COL4A2: variants seen among roughly 807,000 people sequenced by gnomAD.
COL4A2 encodes collagen type IV alpha 2 chain, also known as collagen alpha-2(IV) chain.
In COL4A2, 99 loss-of-function variants were observed where a neutral mutation model predicts 200.2. The observed-to-expected ratio is 0.49, with a 90% CI of 0.42 to 0.58. COL4A2 has a LOEUF of 0.58. COL4A2 is among the 20% of genes least tolerant of loss of function. COL4A2 has a pLI of 0.00. For synonymous variants in COL4A2, 897 were observed against 900.6 expected (o/e 1.00, Z 0.07); for missense variants, 1,950 against 2,314.1 (o/e 0.84, Z 3.23).
intron 3 of COL4A2, among the ~76,000 whole-genome samples, chr13:110,337,973 G>A (rs1040578168): frequency 6.6e-6 from 1 of 152,144 alleles, no homozygotes; most frequent in Non-Finnish European, 1.5e-5. Context: ...TTGTTGCTTT[G>A]TAGGTTAATG....
intron 4 of COL4A2, among the ~76,000 whole-genome samples, chr13:110,375,617 G>GGCAGA (rs1239445042): frequency 2.0e-5 from 3 of 152,184 alleles, no homozygotes; most frequent in African/African-American, 7.2e-5. Flanking sequence ...ATCACTTGTG[G>GGCAGA]TCAGGAGTTC....
At chr13:110,365,816 T>G (rs9515196) in intron 4 of COL4A2, among the ~76,000 whole-genome samples, 60,955 of 152,022 alleles carry the variant, frequency 0.4, 12,348 homozygotes, top group Middle Eastern at 0.56. Flanking sequence ...AATGTAAAAC[T>G]CCATTGCTAA....
Position 110,446,948 on chromosome 13 carries a change from A to T in COL4A2, c.1078+84A>T. On this transcript the variant is annotated intron_variant, in intron 18 of 47. Coordinates refer to ENST00000360467, the MANE Select transcript of COL4A2 (RefSeq NM_001846.4). ...GGACACAGAGCTATGAACTTTCAAG[A>T]CAGATATTCTAAGCAACCCTAAAAC... is the stretch of plus-strand genomic sequence containing the variant. The T allele has an allele frequency of 2.6e-6, 3 of 1,152,786 alleles. No homozygotes were observed. In the South Asian group the frequency reaches 5.4e-5, roughly 21 times the overall value. The allele number at this position is 1,152,786 out of a possible 1,614,324, so 71.4% of individuals were successfully genotyped here.
intron 11 of COL4A2, among the ~76,000 whole-genome samples, chr13:110,432,751 C>T (rs1367412426): frequency 1.3e-5 from 2 of 152,216 alleles, no homozygotes; most frequent in Non-Finnish European, 2.9e-5. Context: ...CAATGTCATT[C>T]TTCTTATCTG....
In COL4A2 at chr13:110,501,682, C is replaced by T. The variant is rs1313041506; in HGVS notation, c.3775C>T (p.Pro1259Ser). ...TTCATCCTAAGGGGAACGAGGCCCA[C>T]CTGGGAGCCCAGGACTTCAGGGGTT... ...DQGAPGERGP[P>S]GSPGLQGFPG... Residue 1259 changes from proline (P) to serine (S), a missense_variant, in exon 41 of 48, where the codon CCT becomes TCT. Physicochemically the swap from Pro to Ser is moderately conservative, Grantham distance 74. Transcript: ENST00000360467. The T allele has an allele frequency of 6.2e-7, 1 of 1,613,810 alleles. No individual in the cohort carries two copies. The highest frequency in any genetic ancestry group is 8.5e-7 in the Non-Finnish European group (1 of 1,179,828).
At chr13:110,346,161 C>G (rs1270764636) in intron 3 of COL4A2, among the ~76,000 whole-genome samples, 1 of 152,146 alleles carries the variant, frequency 6.6e-6, no homozygotes, top group Non-Finnish European at 1.5e-5. Flanking sequence ...GGAACAGTAT[C>G]AAAATACTTG....
chr13:110,320,354 C>T (rs901244071), intron 3 of COL4A2, among the ~76,000 whole-genome samples: 4 of 152,196 alleles, frequency 2.6e-5, no homozygotes, highest in Admixed American at 6.5e-5. Context: ...GATTTCTGGG[C>T]GATTTCTCTG....
chr13:110,408,304 G>A (rs1316046705), intron 4 of COL4A2, among the ~76,000 whole-genome samples: 1 of 152,200 alleles, frequency 6.6e-6, no homozygotes, highest in Non-Finnish European at 1.5e-5. Context: ...AGAGTGTCAG[G>A]CCAGAAACCA....
At chr13:110,371,713 A>G (rs1045931447) in intron 4 of COL4A2, among the ~76,000 whole-genome samples, 1 of 152,140 alleles carries the variant, frequency 6.6e-6, no homozygotes, top group Non-Finnish European at 1.5e-5. Context: ...GTGAGCATCG[A>G]TACTCCCTGC....
intron 12 of COL4A2, among the ~76,000 whole-genome samples, chr13:110,434,865 C>G (rs1348530733): frequency 6.6e-6 from 1 of 152,188 alleles, no homozygotes; most frequent in East Asian, 1.9e-4. Flanking sequence ...CAAAGGCAGC[C>G]GTAAGGACCA....
In COL4A2 at chr13:110,434,342, TTTTA is replaced by T. The variant is rs1192330735; in HGVS notation, c.685-55_685-52del. The T allele has an allele frequency of 2.0e-6, 3 of 1,521,492 alleles. No homozygotes were observed. In the African/African-American group the frequency reaches 4.2e-5, roughly 21 times the overall value. The allele number at this position is 1,521,492 out of a possible 1,614,324, so 94.2% of individuals were successfully genotyped here. A position where few individuals can be genotyped will look rare whatever the true frequency, so the allele number is the denominator to read the frequency against. On this transcript the variant is annotated intron_variant, in intron 11 of 47. Transcript: ENST00000360467. ...GGGTTTCTTTTTCTAAGAAAAATAATTTTATTTCTCTCTGATTATTGGCTTTTTA... is the reference window on the plus strand; with the variant it reads ...GGGTTTCTTTTTCTAAGAAAAATAATTTTCTCTCTGATTATTGGCTTTTTA...
chr13:110,502,896 G>A (rs71440064), intron 41 of COL4A2: 3 of 493,802 alleles, frequency 6.1e-6, no homozygotes, highest in Admixed American at 3.9e-5. Context: ...CGGCGGTGAA[G>A]GTGAATATAT....
Position 110,469,313 on chromosome 13 carries a change from C to A in COL4A2, c.2192C>A (p.Pro731Gln). 6.3e-7 allele frequency: 1 copy of A among 1,581,570 alleles called. No homozygotes were observed. Among genetic ancestry groups the A allele is most frequent in the Non-Finnish European group, 8.6e-7 (1 of 1,163,570 alleles). Residue 731 changes from proline to glutamine, a missense_variant, in exon 28 of 48, where the codon CCA becomes CAA. By Grantham distance (76) the Pro-to-Gln change is moderately conservative. Around this residue, in one of 2 missense-constraint regions of COL4A2, gnomAD observed 1,385 missense variants for 1,720.5 expected, o/e 0.80. Coordinates refer to ENST00000360467, the MANE Select transcript of COL4A2 (RefSeq NM_001846.4). ...LPGDAGREGF[P>Q]GPPGFIGPRG... Reference sequence around the variant, plus strand: ...GGAGACGCAGGTCGTGAAGGGTTCCCAGGACCCCCAGGTGAGTTGAGATCA... The same window carrying A: ...GGAGACGCAGGTCGTGAAGGGTTCCAAGGACCCCCAGGTGAGTTGAGATCA...
At chr13:110,395,590 A>G (rs985448329) in intron 4 of COL4A2, among the ~76,000 whole-genome samples, 17 of 152,180 alleles carry the variant, frequency 1.1e-4, no homozygotes, top group Non-Finnish European at 2.5e-4. Context: ...TGGATATAAC[A>G]TTTTGTTTCT....
intron 17 of COL4A2, 66 bp downstream of exon 17, chr13:110,445,948 C>G: frequency 1.3e-6 from 2 of 1,562,154 alleles, no homozygotes; most frequent in African/African-American, 1.3e-5. Flanking sequence ...CCTTACTCCC[C>G]TCTTGATGGT....
At chr13:110,327,745 GC>G (rs1251228220) in intron 3 of COL4A2, among the ~76,000 whole-genome samples, 16 of 152,284 alleles carry the variant, frequency 1.1e-4, no homozygotes, top group African/African-American at 3.6e-4. Context: ...CCCTGCTGTG[GC>G]CCACACCCCA....
intron 3 of COL4A2, among the ~76,000 whole-genome samples, chr13:110,355,695 C>CT (rs71127934): frequency 3.3e-4 from 4 of 12,016 alleles, no homozygotes; most frequent in Admixed American, 6.6e-4. Flanking sequence ...GAGGGCTGTA[C>CT]AGCTCACCTG....
chr13:110,478,017 C>T lies in COL4A2; in HGVS notation c.2440C>T (p.Pro814Ser). 2 of 1,569,396 alleles carry T rather than the reference C, an allele frequency of 1.3e-6. No homozygotes were observed. The highest frequency in any genetic ancestry group is 1.7e-6 in the Non-Finnish European group (2 of 1,155,018). The change falls in exon 30 of 48, where the codon CCT becomes TCT. Residue 814 changes from proline to serine, a missense_variant. Around this residue, in one of 2 missense-constraint regions of COL4A2, gnomAD observed 1,385 missense variants for 1,720.5 expected, o/e 0.80. Transcript: ENST00000360467. The stretch of plus-strand genomic sequence containing the variant: ...GATTCCTGCAGGAAGCCAAGGGATG[C>T]CTGGGATGCCAGGGCTGAAGGGCCA... ...PPGFRGSQGMPGMPGLKGQPG... is the reference protein window; with the variant it reads ...PPGFRGSQGMSGMPGLKGQPG...
intron 20 of COL4A2, chr13:110,456,278 T>C: frequency 1.0e-5 from 2 of 191,160 alleles, no homozygotes; most frequent in Non-Finnish European, 2.2e-5. Context: ...TTAATTAGCA[T>C]AACAGTTATC....
Sources: gnomAD v4.1 joint callset for allele counts (sites outside exome capture counted in the v4.1 genomes callset) on GRCh38, gnomAD v4.1.1 for gene constraint, gnomAD v4.1.1 regional missense constraint, MANE v1.5 for transcripts, NCBI Gene and HGNC (gene_info 2026-07-23, HGNC 2026-07-21) for gene names.